The following SEL1L3 variants were observed in gnomAD, a reference collection of about 807,000 sequenced individuals.
SEL1L3 encodes the protein protein sel-1 homolog 3.
A neutral mutation model predicts 142.8 loss-of-function variants in SEL1L3; 76 were observed. The observed-to-expected ratio is 0.53, with a 90% CI of 0.44 to 0.64. The LOEUF (loss-of-function observed/expected upper bound fraction) is 0.64. Among genes scored for constraint, SEL1L3 ranks in the 30% least tolerant of loss-of-function variants. The pLI is 0.00. For missense variants in SEL1L3, 1,262 were observed against 1,381.7 expected, an observed-to-expected ratio of 0.91 and a Z score of 1.37; for synonymous variants, 504 against 519.6, an observed-to-expected ratio of 0.97 and a Z score of 0.41.
downstream of SEL1L3, among the ~76,000 whole-genome samples, chr4:25,743,553 A>G (rs981092845): frequency 1.3e-5 from 2 of 152,310 alleles, no homozygotes; most frequent in African/African-American, 4.8e-5. Context: ...ACCAATCAAT[A>G]TATGTAAGAC....
At position 25,806,041 on chromosome 4, in the gene SEL1L3, G is replaced by T. The variant is rs1416130157; in HGVS notation, c.1565-1289C>A. Among the ~76,000 whole-genome samples, 187 of 134,790 alleles carry T rather than the reference G, an allele frequency of 1.4e-3. 3 individuals are homozygous for T. The highest frequency in any genetic ancestry group is 2.8e-3 in the East Asian group (13 of 4,612). 88.4% of individuals were successfully genotyped at this position (134,790 alleles called of 152,430 possible). A position where few individuals can be genotyped will look rare whatever the true frequency, so the allele number is the denominator to read the frequency against. Reference sequence around the variant, plus strand: ...GGGTTTTTTTTGTTTTGTTTTGTTTGTTTTTTTTTTTTTTTGAGATGGAGT... The same window carrying T: ...GGGTTTTTTTTGTTTTGTTTTGTTTTTTTTTTTTTTTTTTTGAGATGGAGT... On this transcript the variant is annotated intron_variant, in intron 9 of 23. Coordinates refer to ENST00000399878, the MANE Select transcript of SEL1L3 (RefSeq NM_015187.5).
chr4:25,855,106 G>A (rs1282380621), intron 1 of SEL1L3, among the ~76,000 whole-genome samples: 1 of 152,208 alleles, frequency 6.6e-6, no homozygotes, highest in Non-Finnish European at 1.5e-5. Flanking sequence ...GATTCACCAC[G>A]AGTCGTGGCT....
chr4:25,775,144 G>T (rs888653289), intron 17 of SEL1L3, among the ~76,000 whole-genome samples: 3 of 152,186 alleles, frequency 2.0e-5, no homozygotes, highest in African/African-American at 7.2e-5. Context: ...ACAAGATAAA[G>T]CATCACAAAA....
the SEL1L3 span, among the ~76,000 whole-genome samples, chr4:25,732,749 G>A: frequency 0.15 from 22,371 of 151,656 alleles, 2,358 homozygotes; most frequent in African/African-American, 0.29. Context: ...TGTGTGTGGT[G>A]GGGAGTCGGA....
chr4:25,857,324 A>T (rs1717329783), intron 1 of SEL1L3, among the ~76,000 whole-genome samples: 1 of 152,198 alleles, frequency 6.6e-6, no homozygotes, highest in East Asian at 1.9e-4. Flanking sequence ...CATCACAGTC[A>T]TGATCAATAT....
intron 6 of SEL1L3, among the ~76,000 whole-genome samples, chr4:25,825,025 T>G (rs1472125463): frequency 6.6e-6 from 1 of 152,112 alleles, no homozygotes; most frequent in African/African-American, 2.4e-5. Flanking sequence ...ATCTGCAGAT[T>G]TGTACTCAAA....
chr4:25,836,120 A>G (rs1715800316), intron 2 of SEL1L3, among the ~76,000 whole-genome samples: 1 of 152,212 alleles, frequency 6.6e-6, no homozygotes, highest in Non-Finnish European at 1.5e-5. Context: ...ATTACTAACC[A>G]TATACCTTAA....
chr4:25,760,005 T>G (rs973075195), intron 20 of SEL1L3: 5 of 152,204 alleles, frequency 3.3e-5, no homozygotes, highest in Non-Finnish European at 7.3e-5. Flanking sequence ...GGGGGTTTGT[T>G]GTACATATTA....
the SEL1L3 span, among the ~76,000 whole-genome samples, chr4:25,727,259 G>A: frequency 5.3e-5 from 8 of 151,934 alleles, no homozygotes; most frequent in Admixed American, 3.9e-4. Context: ...TCACCATGTT[G>A]GCCAGGATGG....
intron 17 of SEL1L3, among the ~76,000 whole-genome samples, chr4:25,775,296 C>G (rs540546695): frequency 7.9e-4 from 121 of 152,312 alleles, no homozygotes; most frequent in South Asian, 1.9e-3. Context: ...CTTCATTGGC[C>G]TCATTTCTCC....
At position 25,833,556 on chromosome 4, in the gene SEL1L3, A is replaced by G. The variant is rs776510120; in HGVS notation, c.874T>C (p.Leu292=). Residue 292 remains leucine (L), a synonymous_variant, in exon 4 of 24, where the codon TTG becomes CTG. Coordinates refer to ENST00000399878, the MANE Select transcript of SEL1L3 (RefSeq NM_015187.5). Reference sequence around the variant, plus strand: ...CAATAATGGAGTAAATAAAGCCACAATGAAACAGTAAACCTATAAGAGTGA... The same window carrying G: ...CAATAATGGAGTAAATAAAGCCACAGTGAAACAGTAAACCTATAAGAGTGA... The part of the protein sequence containing the change: ...RMDYPVFTVS[L]WLYLLHYCKA... 19 of 1,611,678 alleles carry G rather than the reference A, an allele frequency of 1.2e-5. No homozygotes were observed. The East Asian group carries it at 2.0e-4, about 17-fold the overall frequency.
chr4:25,807,686 A>T (rs1713685652), intron 9 of SEL1L3, among the ~76,000 whole-genome samples: 1 of 151,918 alleles, frequency 6.6e-6, no homozygotes, highest in African/African-American at 2.4e-5. Flanking sequence ...GGAGGAAGAG[A>T]CTCCAAACCA....
chr4:25,788,378 G>C lies in SEL1L3; in HGVS notation c.2077-14C>G. 1 of 1,613,218 alleles carries C rather than the reference G, an allele frequency of 6.2e-7. No individual in the cohort carries two copies. Among genetic ancestry groups the C allele is most frequent in the Non-Finnish European group, 8.5e-7 (1 of 1,179,670 alleles). The stretch of plus-strand genomic sequence containing the variant: ...GGCCAATCGTTGCTTAAAGATAATA[G>C]CAATTTAGAACAATGACTTTTCCTG... On this transcript the variant is annotated splice_polypyrimidine_tract_variant and intron_variant, in intron 12 of 23. Transcript: ENST00000399878. This position sits in a 1 kb window ranked among gnomAD's most constrained non-coding sequence, Gnocchi z 5.3.
chr4:25,803,640 C>T (rs1247290255), intron 10 of SEL1L3, among the ~76,000 whole-genome samples: 2 of 152,178 alleles, frequency 1.3e-5, no homozygotes, highest in Admixed American at 1.3e-4. Context: ...ACACAGACGG[C>T]CTTCTCCACT....
chr4:25,740,169 C>T, the SEL1L3 span, among the ~76,000 whole-genome samples: 2 of 151,766 alleles, frequency 1.3e-5, no homozygotes, highest in East Asian at 2.0e-4. Flanking sequence ...CATGGTGGCT[C>T]ATGCCTGTAA....
intron 15 of SEL1L3, among the ~76,000 whole-genome samples, chr4:25,781,655 C>T (rs990142886): frequency 6.6e-6 from 1 of 152,108 alleles, no homozygotes; most frequent in Non-Finnish European, 1.5e-5. Context: ...TGTGACCCTA[C>T]GTTACTTAAC....
chr4:25,744,337 T>C (rs1195470250), downstream of SEL1L3, among the ~76,000 whole-genome samples: 1 of 135,830 alleles, frequency 7.4e-6, no homozygotes, highest in Non-Finnish European at 1.6e-5. Flanking sequence ...AATGAGGTCA[T>C]ATGTGTGAGT....
intron 1 of SEL1L3, among the ~76,000 whole-genome samples, chr4:25,857,175 GTTT>G (rs1272672770): frequency 2.6e-5 from 4 of 152,088 alleles, no homozygotes; most frequent in African/African-American, 9.7e-5. Flanking sequence ...CAAAAATTCT[GTTT>G]AGGTCAACAA....
intron 1 of SEL1L3, 148 bp from the exon 2 acceptor site, chr4:25,848,012 C>T: frequency 3.2e-6 from 2 of 616,388 alleles, no homozygotes; most frequent in Non-Finnish European, 2.8e-6. Flanking sequence ...ATGTCAAAAC[C>T]ACTACTGAAG....
Sources: gnomAD v4.1 joint callset for allele counts (sites outside exome capture counted in the v4.1 genomes callset) on GRCh38, gnomAD v4.1.1 for gene constraint, Gnocchi (gnomAD v3.1) non-coding constraint, MANE v1.5 for transcripts, NCBI Gene and HGNC (gene_info 2026-07-23, HGNC 2026-07-21) for gene names.